CSMD3: variants seen among roughly 807,000 people sequenced by gnomAD.
CSMD3 encodes CUB and Sushi multiple domains 3.
In CSMD3, 177 loss-of-function variants were observed where a neutral mutation model predicts 435.2. The ratio of observed to expected loss-of-function variants is 0.41; its 90% confidence interval spans 0.36 to 0.46. The LOEUF (loss-of-function observed/expected upper bound fraction) is 0.46, where lower values mean the gene tolerates loss of function less well. Among genes scored for constraint, CSMD3 ranks in the 20% least tolerant of loss-of-function variants. CSMD3 has a pLI of 0.34. For synonymous variants in CSMD3, 1,656 were observed against 1,520.5 expected, an observed-to-expected ratio of 1.09 and a Z score of -2.07; for missense variants, 4,265 against 4,504.6, an observed-to-expected ratio of 0.95 and a Z score of 1.52.
At chr8:113,355,950 G>C (rs1032960842) in intron 1 of CSMD3, among the ~76,000 whole-genome samples, 2 of 150,644 alleles carry the variant, frequency 1.3e-5, no homozygotes, top group Non-Finnish European at 3.0e-5. Flanking sequence ...ACTTAAAAAT[G>C]TATGAGTAAA....
intron 6 of CSMD3, among the ~76,000 whole-genome samples, chr8:112,997,076 G>C (rs2085681020): frequency 6.6e-6 from 1 of 151,514 alleles, no homozygotes; most frequent in Non-Finnish European, 1.5e-5. Context: ...ATGGAGAAAA[G>C]TAACCACATC....
chr8:112,500,761 C>A (rs1406998329), intron 30 of CSMD3, among the ~76,000 whole-genome samples: 5 of 152,128 alleles, frequency 3.3e-5, no homozygotes, highest in Non-Finnish European at 5.9e-5. Flanking sequence ...CAGGTGAATG[C>A]CCACAGTTGT....
intron 10 of CSMD3, among the ~76,000 whole-genome samples, chr8:112,863,414 A>G (rs1057059359): frequency 5.3e-5 from 8 of 151,876 alleles, no homozygotes; most frequent in African/African-American, 1.7e-4. Flanking sequence ...ATGAACTGAA[A>G]ATACCATTTA....
intron 3 of CSMD3, among the ~76,000 whole-genome samples, chr8:113,234,503 G>A (rs1316285327): frequency 6.6e-6 from 1 of 152,058 alleles, no homozygotes; most frequent in Non-Finnish European, 1.5e-5. Context: ...TTTCTGCTAG[G>A]CTGGAAACAT....
chr8:112,880,721 T>G (rs2081423714), intron 10 of CSMD3, among the ~76,000 whole-genome samples: 1 of 151,894 alleles, frequency 6.6e-6, no homozygotes, highest in African/African-American at 2.4e-5. Flanking sequence ...AGTTGTTGGA[T>G]TTTTGTTTTT....
chr8:112,361,075 A>G (rs765310208), intron 38 of CSMD3, among the ~76,000 whole-genome samples: 12 of 152,106 alleles, frequency 7.9e-5, no homozygotes, highest in Non-Finnish European at 1.8e-4. Flanking sequence ...AATCAATAAG[A>G]GAATTTTTTT....
At chr8:112,718,527 A>G (rs1330277229) in intron 13 of CSMD3, among the ~76,000 whole-genome samples, 1 of 150,476 alleles carries the variant, frequency 6.6e-6, no homozygotes, top group Admixed American at 6.7e-5. Flanking sequence ...ATATATATAT[A>G]TATATATATG....
At chr8:112,340,365 T>A (rs868274648) in intron 42 of CSMD3, among the ~76,000 whole-genome samples, 2 of 152,206 alleles carry the variant, frequency 1.3e-5, no homozygotes, top group Non-Finnish European at 2.9e-5. Flanking sequence ...TGCACGCAAG[T>A]ATAATACAAA....
intron 6 of CSMD3, among the ~76,000 whole-genome samples, chr8:113,013,080 GA>G (rs2086317016): frequency 6.6e-6 from 1 of 151,988 alleles, no homozygotes; most frequent in Admixed American, 6.6e-5. Context: ...TCTCTTTACA[GA>G]AATTTGCTTT....
At chr8:112,863,389 T>C (rs947557173) in intron 10 of CSMD3, among the ~76,000 whole-genome samples, 3 of 151,834 alleles carry the variant, frequency 2.0e-5, no homozygotes, top group Non-Finnish European at 4.4e-5. Flanking sequence ...TATAGTAAAT[T>C]CTATATTATT....
intron 1 of CSMD3, among the ~76,000 whole-genome samples, chr8:113,416,187 T>A (rs2129873207): frequency 6.6e-6 from 1 of 152,220 alleles, no homozygotes; most frequent in East Asian, 1.9e-4. Context: ...ACTATGTCAA[T>A]TTTCAGGTAT....
chr8:113,414,070 G>A (rs778366320), intron 1 of CSMD3, among the ~76,000 whole-genome samples: 2 of 152,142 alleles, frequency 1.3e-5, no homozygotes, highest in African/African-American at 2.4e-5. Context: ...AGCTGAGGAC[G>A]GAAGTGAGAG....
intron 10 of CSMD3, among the ~76,000 whole-genome samples, chr8:112,870,233 A>G (rs2081093381): frequency 6.6e-6 from 1 of 151,592 alleles, no homozygotes; most frequent in African/African-American, 2.4e-5. Context: ...GCAAATCAAA[A>G]CCACAATGAG....
intron 40 of CSMD3, among the ~76,000 whole-genome samples, chr8:112,348,969 G>C (rs1240214926): frequency 6.6e-6 from 1 of 151,994 alleles, no homozygotes; most frequent in Admixed American, 6.6e-5. Context: ...TAATAATAGA[G>C]TGGTATTTAA....
At chr8:113,161,178 G>T (rs1032621320) in intron 4 of CSMD3, among the ~76,000 whole-genome samples, 3 of 152,116 alleles carry the variant, frequency 2.0e-5, no homozygotes, top group Admixed American at 2.0e-4. Context: ...AGTGATGATA[G>T]ATTCACACCA....
At chr8:112,649,488 A>T (rs184265511) in intron 19 of CSMD3, among the ~76,000 whole-genome samples, 12 of 152,258 alleles carry the variant, frequency 7.9e-5, no homozygotes, top group African/African-American at 2.2e-4. Context: ...AGAAATTAAA[A>T]CCCATAGTTA....
chr8:113,129,294 G>A (rs2091223537), intron 4 of CSMD3, among the ~76,000 whole-genome samples: 1 of 152,096 alleles, frequency 6.6e-6, no homozygotes, highest in Admixed American at 6.6e-5. Context: ...TTCTCTTAGA[G>A]GCACTAGGGT....
At chr8:112,580,013 A>T (rs1830227707) in intron 23 of CSMD3, among the ~76,000 whole-genome samples, 1 of 152,054 alleles carries the variant, frequency 6.6e-6, no homozygotes, top group African/African-American at 2.4e-5. Context: ...TTTTCCAAAG[A>T]ATAAAGGAAT....
intron 70 of CSMD3, among the ~76,000 whole-genome samples, chr8:112,225,225 CTT>C (rs1239558874): frequency 3.3e-5 from 5 of 151,870 alleles, no homozygotes; most frequent in South Asian, 4.2e-4. Context: ...ATTATTATGA[CTT>C]ATCATTTATA....
Sources: gnomAD v4.1 joint callset for allele counts (sites outside exome capture counted in the v4.1 genomes callset) on GRCh38, gnomAD v4.1.1 for gene constraint, MANE v1.5 for transcripts, NCBI Gene and HGNC (gene_info 2026-07-23, HGNC 2026-07-21) for gene names.